OSTM1: variants seen among roughly 807,000 people sequenced by gnomAD.
OSTM1 encodes osteopetrosis-associated transmembrane protein 1.
In OSTM1, 26 loss-of-function variants were observed where a neutral mutation model predicts 35.4. The ratio of observed to expected loss-of-function variants is 0.73; its 90% CI spans 0.54 to 1.02. The LOEUF is 1.02. Ranked by LOEUF, OSTM1 falls within the 50% of genes least tolerant of loss-of-function variation. The pLI, the probability that OSTM1 is intolerant of heterozygous loss-of-function variation, is 0.00. For missense variants in OSTM1, 366 were observed against 409.6 expected (o/e 0.89, Z 0.92); for synonymous variants, 181 against 165.0 (o/e 1.10, Z -0.75).
Position 108,049,372 on chromosome 6 carries a change from A to C in OSTM1, c.830T>G (p.Val277Gly). ...TACAGGCACTGTGTCACTGCAAGGGACTGAACAGTTGAAAGTTCGACTCCA... is the reference window on the plus strand; with the variant it reads ...TACAGGCACTGTGTCACTGCAAGGGCCTGAACAGTTGAAAGTTCGACTCCA... Reference protein sequence around the residue: ...KLWSRTFNCSVPCSDTVPVIA... With the variant: ...KLWSRTFNCSGPCSDTVPVIA... Residue 277 changes from valine (V) to glycine (G), a missense_variant, in exon 5 of 6, where the codon GTC becomes GGC. This residue lies in a region of OSTM1 where 125 missense variants were observed against 151.7 expected (regional missense o/e 0.82). Transcript: ENST00000193322. The C allele has an allele frequency of 6.2e-7, 1 of 1,613,814 alleles. No homozygotes were observed. Among genetic ancestry groups the C allele is most frequent in the Non-Finnish European group, 8.5e-7 (1 of 1,179,704 alleles).
chr6:108,070,168 G>A (rs1187383007), intron 1 of OSTM1, among the ~76,000 whole-genome samples: 2 of 152,108 alleles, frequency 1.3e-5, no homozygotes, highest in African/African-American at 4.8e-5. Context: ...CTCCTGAGTA[G>A]CTGGGATTAC....
At chr6:108,061,381 T>A (rs1392804487) in intron 2 of OSTM1, among the ~76,000 whole-genome samples, 1 of 152,106 alleles carries the variant, frequency 6.6e-6, no homozygotes, top group Non-Finnish European at 1.5e-5. Context: ...CCTCCCTACT[T>A]CACATTTTCT....
intron 4 of OSTM1, among the ~76,000 whole-genome samples, chr6:108,050,006 CA>C (rs2114591976): frequency 6.6e-6 from 1 of 152,222 alleles, no homozygotes; most frequent in African/African-American, 2.4e-5. Flanking sequence ...TCTAATGCCC[CA>C]AAACTCCAGC....
intron 1 of OSTM1, among the ~76,000 whole-genome samples, chr6:108,068,997 C>A (rs1392027923): frequency 6.6e-6 from 1 of 152,172 alleles, no homozygotes; most frequent in African/African-American, 2.4e-5. Flanking sequence ...CCTGCTATTT[C>A]TTTACATGTA....
At chr6:108,048,550 C>T (rs955913900) in intron 5 of OSTM1, among the ~76,000 whole-genome samples, 4 of 152,122 alleles carry the variant, frequency 2.6e-5, no homozygotes, top group African/African-American at 4.8e-5. Context: ...TCTGTTATGT[C>T]AGCTATAGTT....
intron 5 of OSTM1, among the ~76,000 whole-genome samples, chr6:108,045,848 C>A (rs1771959316): frequency 6.6e-6 from 1 of 152,102 alleles, no homozygotes; most frequent in South Asian, 2.1e-4. Context: ...TAAGAGTCTC[C>A]CTACTTCAGA....
Position 108,074,592 on chromosome 6 carries a change from C to T in OSTM1, c.60G>A (p.Leu20=), listed in dbSNP as rs1772557731. 14 of 1,565,222 alleles carry T rather than the reference C, an allele frequency of 8.9e-6. No individual in the cohort carries two copies. Among genetic ancestry groups the T allele is most frequent in the Non-Finnish European group, 1.2e-5 (14 of 1,160,330 alleles). ...RRCSLPPWLP[L]GLLLWSGLAL... ...CCAGCCCCGACCACAGCAGCAGCCC[C>T]AGCGGCAGCCACGGCGGCAACGAAC... The change falls in exon 1 of 6, where the codon CTG becomes CTA. Residue 20 remains leucine, a synonymous_variant. Transcript: ENST00000193322.
At chr6:108,052,364 C>T (rs909152158) in intron 3 of OSTM1, among the ~76,000 whole-genome samples, 13 of 149,018 alleles carry the variant, frequency 8.7e-5, no homozygotes, top group Non-Finnish European at 5.9e-5. Flanking sequence ...ACCCGGGAGG[C>T]GGAGCTTGCA....
chr6:108,071,448 C>T (rs1772481868), intron 1 of OSTM1, among the ~76,000 whole-genome samples: 1 of 149,484 alleles, frequency 6.7e-6, no homozygotes, highest in African/African-American at 2.5e-5. Context: ...TGCGCACCAC[C>T]ACACCCGGCT....
intron 2 of OSTM1, among the ~76,000 whole-genome samples, chr6:108,054,973 T>A (rs1264295529): frequency 6.6e-6 from 1 of 152,216 alleles, no homozygotes; most frequent in East Asian, 1.9e-4. Context: ...ATTTTTTGTG[T>A]CAAATTTCAT....
chr6:108,067,828 T>TAA (rs60932026), intron 1 of OSTM1, among the ~76,000 whole-genome samples: 2,267 of 77,688 alleles, frequency 0.029, 107 homozygotes, highest in East Asian at 0.094. Flanking sequence ...AGCCTCTGTC[T>TAA]AAAAAAAAAA....
At chr6:108,064,124 A>C in intron 2 of OSTM1, 61 bp downstream of exon 2, 1 of 868,724 alleles carries the variant, frequency 1.2e-6, no homozygotes, top group Non-Finnish European at 2.0e-6. Flanking sequence ...TCACTAAAAT[A>C]AAATCTGACA....
chr6:108,068,591 T>C lies in OSTM1; in HGVS notation c.403-4292A>G, dbSNP rs184482299. 4.6e-3 allele frequency among the ~76,000 whole-genome samples: 705 copies of C among 152,124 alleles called. 12 individuals are homozygous for C. Among genetic ancestry groups the C allele is most frequent in the Non-Finnish European group, 5.4e-3 (369 of 68,002 alleles). On this transcript the variant is annotated intron_variant, in intron 1 of 5. Transcript: ENST00000193322. Reference sequence around the variant, plus strand: ...GCCTGTAATTTCTGCCTCCTAAGTATCTCTGAAATCCACCCATTTCTCCAC... The same window carrying C: ...GCCTGTAATTTCTGCCTCCTAAGTACCTCTGAAATCCACCCATTTCTCCAC...
chr6:108,050,918 T>G, intron 4 of OSTM1, 113 bp downstream of exon 4: 1 of 894,858 alleles, frequency 1.1e-6, no homozygotes, highest in Non-Finnish European at 1.8e-6. Context: ...TAGTTATTTT[T>G]GGTTGAGGAC....
Position 108,064,208 on chromosome 6 carries a change from G to A in OSTM1, c.494C>T (p.Thr165Ile). ...ACTTGCACAATTTGCCTCCTGCCAT[G>A]TGGTATTAAAAAATTCTGAGAGAAT... ...VVILSEFFNT[T>I]WQEANCANCL... The change falls in exon 2 of 6, where the codon ACA (threonine) becomes ATA (isoleucine). Residue 165 changes from threonine (T) to isoleucine (I), a missense_variant. Around this residue, in one of 3 missense-constraint regions of OSTM1, gnomAD observed 236 missense variants for 239.3 expected, o/e 0.99. Transcript: ENST00000193322. 2 of 1,585,578 alleles carry A rather than the reference G, an allele frequency of 1.3e-6. No individual in the cohort carries two copies. The highest frequency in any genetic ancestry group is 1.7e-5 in the Admixed American group (1 of 59,990).
chr6:108,072,892 G>T (rs553259534), intron 1 of OSTM1, among the ~76,000 whole-genome samples: 36 of 152,208 alleles, frequency 2.4e-4, no homozygotes, highest in Middle Eastern at 3.4e-3. Flanking sequence ...CGAGTAGCTG[G>T]AACTACAGAC....
chr6:108,053,040 A>G (rs1304497991), intron 3 of OSTM1, among the ~76,000 whole-genome samples: 1 of 152,136 alleles, frequency 6.6e-6, no homozygotes, highest in Non-Finnish European at 1.5e-5. Flanking sequence ...CCCTCACTGG[A>G]TGTACTGGTG....
chr6:108,047,347 A>G (rs1181544679), intron 5 of OSTM1, among the ~76,000 whole-genome samples: 1 of 152,238 alleles, frequency 6.6e-6, no homozygotes, highest in Non-Finnish European at 1.5e-5. Context: ...GACTGTCCAC[A>G]GCACCATGAG....
At chr6:108,069,964 G>C (rs960447964) in intron 1 of OSTM1, among the ~76,000 whole-genome samples, 2 of 152,046 alleles carry the variant, frequency 1.3e-5, no homozygotes, top group African/African-American at 4.8e-5. Flanking sequence ...TCACACTAAA[G>C]AAGGGTAGAA....
Sources: gnomAD v4.1 joint callset for allele counts (sites outside exome capture counted in the v4.1 genomes callset) on GRCh38, gnomAD v4.1.1 for gene constraint, gnomAD v4.1.1 regional missense constraint, MANE v1.5 for transcripts, NCBI Gene and HGNC (gene_info 2026-07-23, HGNC 2026-07-21) for gene names.